ARAP1: variants seen among roughly 807,000 people sequenced by gnomAD.
The protein encoded by ARAP1 is ArfGAP with RhoGAP domain, ankyrin repeat and PH domain 1, also known as arf-GAP with Rho-GAP domain, ANK repeat and PH domain-containing protein 1.
A neutral mutation model predicts 172.2 loss-of-function variants in ARAP1; 76 were observed. That is an observed-to-expected ratio of 0.44 (90% CI 0.37 to 0.53). The LOEUF (loss-of-function observed/expected upper bound fraction) is 0.53, where lower values mean the gene tolerates loss of function less well. Among genes scored for constraint, ARAP1 ranks in the 20% least tolerant of loss-of-function variants. The probability of loss-of-function intolerance (pLI) is 0.00; values close to 1 mark genes in which losing one functional copy is unlikely to be tolerated. For synonymous variants in ARAP1, 804 were observed against 803.3 expected (o/e 1.00, Z -0.01); for missense variants, 1,686 against 1,977.5 (o/e 0.85, Z 2.80).
chr11:72,710,004 G>C lies in ARAP1; in HGVS notation c.1417-28C>G. 6.3e-7 allele frequency: 1 copy of C among 1,595,096 alleles called. No individual in the cohort carries two copies. The highest frequency in any genetic ancestry group is 8.6e-7 in the Non-Finnish European group (1 of 1,162,742). On this transcript the variant is annotated intron_variant, in intron 10 of 34. Coordinates refer to ENST00000393609, the MANE Select transcript of ARAP1 (RefSeq NM_001040118.3). This position sits in a 1 kb window ranked among gnomAD's most constrained non-coding sequence, Gnocchi z 4.3. ...GGAGGGCAGATGGGACGGGATGAGG[G>C]CAAGGCTTTGGGGGCAGGGCGTGAG...
chr11:72,699,229 G>A lies in ARAP1; in HGVS notation c.2439-122C>T, dbSNP rs1034511801. The A allele has an allele frequency of 7.2e-7, 1 of 1,391,460 alleles. No individual in the cohort carries two copies. Among genetic ancestry groups the A allele is most frequent in the Admixed American group, 1.9e-5 (1 of 53,494 alleles). The allele number at this position is 1,391,460 out of a possible 1,614,324, so 86.2% of individuals were successfully genotyped here. ...TGCCTTGGCGCTTGTCCTTATTCTG[G>A]TCCCCTAAGAGGTGGTGGAAAAGTC... On this transcript the variant is annotated intron_variant, in intron 17 of 34. Coordinates refer to ENST00000393609, the MANE Select transcript of ARAP1 (RefSeq NM_001040118.3). This position sits in a 1 kb window ranked among gnomAD's most constrained non-coding sequence, Gnocchi z 4.2.
intron 2 of ARAP1, among the ~76,000 whole-genome samples, chr11:72,731,478 G>C (rs74576049): frequency 3.9e-5 from 6 of 152,102 alleles, no homozygotes; most frequent in Non-Finnish European, 5.9e-5. Flanking sequence ...GCCTGCTCCC[G>C]CTTTGCCTTC....
intron 1 of ARAP1, among the ~76,000 whole-genome samples, chr11:72,737,201 T>C (rs1591244332): frequency 6.6e-6 from 1 of 152,270 alleles, no homozygotes; most frequent in East Asian, 1.9e-4. Context: ...TCCATACCCC[T>C]TCTTATCTCC....
At chr11:72,728,328 C>T (rs1857759189) in intron 2 of ARAP1, among the ~76,000 whole-genome samples, 2 of 152,202 alleles carry the variant, frequency 1.3e-5, no homozygotes, top group Non-Finnish European at 2.9e-5. Flanking sequence ...CAACTATAAT[C>T]CTAGCACTTT....
chr11:72,727,584 C>T (rs547908675), intron 2 of ARAP1, among the ~76,000 whole-genome samples: 18 of 152,316 alleles, frequency 1.2e-4, no homozygotes, highest in Non-Finnish European at 2.4e-4. Context: ...CTCTGAGGCA[C>T]CAGTTCCCAG....
At chr11:72,696,889 G>A in intron 22 of ARAP1, 94 bp downstream of exon 22, 1 of 1,332,204 alleles carries the variant, frequency 7.5e-7, no homozygotes, top group Admixed American at 2.1e-5. Context: ...TGTGGGTTAG[G>A]GTAAGCCTAG....
At chr11:72,708,379 T>C (rs574086518) in intron 11 of ARAP1, 1 of 152,266 alleles carries the variant, frequency 6.6e-6, no homozygotes, top group Non-Finnish European at 1.5e-5. Context: ...AGGCCCTTTG[T>C]GTAGAACACT....
chr11:72,685,991 C>T (rs1855665127), intron 34 of ARAP1, 51 bp downstream of exon 34: 2 of 1,613,266 alleles, frequency 1.2e-6, no homozygotes, highest in Non-Finnish European at 8.5e-7. Flanking sequence ...AGAAGGCAGG[C>T]ACCCAGCCAG....
In ARAP1 at chr11:72,695,349, A is replaced by T; in HGVS notation, c.3576+38T>A. On this transcript the variant is annotated intron_variant, in intron 26 of 34. Transcript: ENST00000393609. This position sits in a 1 kb window ranked among gnomAD's most constrained non-coding sequence, Gnocchi z 4.4. The stretch of plus-strand genomic sequence containing the variant: ...CTGAGCCTGTACCTGGCCCAGCCTG[A>T]TTCTCTAGCCCCTTGGCTTCTAGGT... 6.2e-7 allele frequency: 1 copy of T among 1,613,630 alleles called. No homozygotes were observed. The highest frequency in any genetic ancestry group is 8.5e-7 in the Non-Finnish European group (1 of 1,179,750).
At position 72,704,289 on chromosome 11, in the gene ARAP1, C is replaced by G. The variant is rs750966623; in HGVS notation, c.1855G>C (p.Ala619Pro). The G allele has an allele frequency of 1.2e-6, 2 of 1,610,942 alleles. No individual in the cohort carries two copies. Among genetic ancestry groups the G allele is most frequent in the Non-Finnish European group, 8.5e-7 (1 of 1,178,562 alleles). ...AGGGCCTCACTGGGGGGCACGTTGGCTGCCCAGAAGCGGTTCCCAGCGCCA... is the reference window on the plus strand; with the variant it reads ...AGGGCCTCACTGGGGGGCACGTTGGGTGCCCAGAAGCGGTTCCCAGCGCCA... ...GNGAGNRFWAANVPPSEALQP... is the reference protein window; with the variant it reads ...GNGAGNRFWAPNVPPSEALQP... The change falls in exon 14 of 35, where the codon GCC becomes CCC. Residue 619 changes from alanine to proline, a missense_variant. Physicochemically the swap from Ala to Pro is conservative, Grantham distance 27. This residue lies in a region of ARAP1 where 688 missense variants were observed against 856.9 expected (regional missense o/e 0.80). Coordinates refer to ENST00000393609, the MANE Select transcript of ARAP1 (RefSeq NM_001040118.3).
At position 72,714,192 on chromosome 11, in the gene ARAP1, CG is replaced by C. The variant is rs781460550; in HGVS notation, c.638del (p.Pro213ArgfsTer33). ...PQPPSPPPCP[P>X]EIPPKPVRLF... ...GGCGTACCGGCTTTGGAGGTATCTC[CG>C]GGGGGCAGGGAGGTGGAGAGGGAGG... On this transcript the variant is annotated frameshift_variant, in exon 4 of 35. Coordinates refer to ENST00000393609, the MANE Select transcript of ARAP1 (RefSeq NM_001040118.3). LOFTEE classifies it high-confidence loss of function. The C allele has an allele frequency of 6.7e-7, 1 of 1,498,252 alleles. No homozygotes were observed. The highest frequency in any genetic ancestry group is 8.9e-7 in the Non-Finnish European group (1 of 1,128,592). 92.8% of individuals were successfully genotyped at this position (1,498,252 alleles called of 1,614,324 possible). A position where few individuals can be genotyped will look rare whatever the true frequency, so the allele number is the denominator to read the frequency against.
At chr11:72,708,064 T>C (rs1324990769) in intron 11 of ARAP1, 3 of 151,680 alleles carry the variant, frequency 2.0e-5, no homozygotes, top group African/African-American at 7.3e-5. Flanking sequence ...GGTTGAACAA[T>C]AAATGATGAC....
rs549705325 is a variant in ARAP1, at chr11:72,686,286, G to C, written c.4186-95C>G. The C allele has an allele frequency of 1.2e-3, 1,772 of 1,471,332 alleles. 8 individuals are homozygous for C. The highest frequency in any genetic ancestry group is 4.1e-3 in the South Asian group (308 of 74,974). 91.1% of individuals were successfully genotyped at this position (1,471,332 alleles called of 1,614,324 possible). A position where few individuals can be genotyped will look rare whatever the true frequency, so the allele number is the denominator to read the frequency against. ...ACCCTTCCCAGAAATGCCTCCAGCT[G>C]TGGTCTGAGATGACACCCTCAGCTT... On this transcript the variant is annotated intron_variant, in intron 33 of 34. Transcript: ENST00000393609.
At chr11:72,734,079 GCC>G (rs113131229) in intron 1 of ARAP1, among the ~76,000 whole-genome samples, 9 of 151,656 alleles carry the variant, frequency 5.9e-5, no homozygotes, top group Non-Finnish European at 1.3e-4. Context: ...ACCCACCTCA[GCC>G]CCCCCAGTTG....
At chr11:72,702,086 T>C (rs1856513058) in intron 15 of ARAP1, among the ~76,000 whole-genome samples, 2 of 152,194 alleles carry the variant, frequency 1.3e-5, no homozygotes, top group African/African-American at 2.4e-5. Context: ...CCAGGCACAC[T>C]GGCATGAGGG....
rs763988296 is a variant in ARAP1 at position 72,709,926 on chromosome 11, G to A, written c.1467C>T (p.Asn489=). ...GITFIDMSVG[N]VKEVDRRSFD... ...AGCTGCGCCGGTCCACTTCCTTCAC[G>A]TTGCCCACGCTCATGTCGATGAAGG... The change falls in exon 11 of 35, where the codon AAC becomes AAT. Residue 489 remains asparagine (N), a synonymous_variant. Transcript: ENST00000393609. The A allele has an allele frequency of 1.1e-4, 173 of 1,614,006 alleles. No individual in the cohort carries two copies. Among genetic ancestry groups the A allele is most frequent in the Admixed American group, 6.5e-4 (39 of 60,000 alleles).
rs1391113162 is a variant in ARAP1, at chr11:72,726,245, C to T, written c.509+375G>A. ...TACACATGTTGCCTCTTGATGCCGG[C>T]ATGGACCCCGATACCCTGCAGTATC... On this transcript the variant is annotated intron_variant, in intron 3 of 34. Transcript: ENST00000393609. This position sits in a 1 kb window ranked among gnomAD's most constrained non-coding sequence, Gnocchi z 6.5. Among the ~76,000 whole-genome samples, 4 of 152,138 alleles carry T rather than the reference C, an allele frequency of 2.6e-5. No individual in the cohort carries two copies. Among genetic ancestry groups the T allele is most frequent in the African/African-American group, 4.8e-5 (2 of 41,418 alleles).
intron 3 of ARAP1, among the ~76,000 whole-genome samples, chr11:72,720,968 AGC>A: frequency 6.6e-6 from 1 of 152,220 alleles, no homozygotes; most frequent in African/African-American, 2.4e-5. Flanking sequence ...GGCAGCTCTA[AGC>A]GCTTCCCAGG....
intron 30 of ARAP1, among the ~76,000 whole-genome samples, chr11:72,690,791 A>T (rs1032893619): frequency 2.6e-5 from 4 of 152,220 alleles, no homozygotes; most frequent in African/African-American, 7.2e-5. Context: ...TGGAACCAAG[A>T]TCTTTCTAGC....
Sources: allele counts gnomAD v4.1 joint callset (sites outside exome capture counted in the v4.1 genomes callset), GRCh38; gene constraint gnomAD v4.1.1; regional missense constraint gnomAD v4.1.1; non-coding constraint Gnocchi (gnomAD v3.1); transcripts MANE v1.5; gene names NCBI Gene and HGNC (gene_info 2026-07-23, HGNC 2026-07-21).